RANBP10: variants seen among roughly 807,000 people sequenced by gnomAD.
RANBP10 encodes the protein RAN binding protein 10.
A neutral mutation model predicts 72.8 loss-of-function variants in RANBP10; 24 were observed. That is an observed-to-expected ratio of 0.33 (90% CI 0.24 to 0.46). The LOEUF (loss-of-function observed/expected upper bound fraction) is 0.46. RANBP10 is among the 20% of genes least tolerant of loss of function. RANBP10 has a pLI of 1.00. For missense variants in RANBP10, 679 were observed against 817.5 expected, an observed-to-expected ratio of 0.83 and a Z score of 2.07; for synonymous variants, 310 against 322.3, an observed-to-expected ratio of 0.96 and a Z score of 0.41.
At chr16:67,743,226 A>C (rs1355524302) in intron 4 of RANBP10, among the ~76,000 whole-genome samples, 1 of 152,232 alleles carries the variant, frequency 6.6e-6, no homozygotes, top group Non-Finnish European at 1.5e-5. Flanking sequence ...GGCAAGGGAA[A>C]TGGGACTTCT....
At chr16:67,728,722 C>T in intron 10 of RANBP10, 4 of 880,422 alleles carry the variant, frequency 4.5e-6, no homozygotes, top group Non-Finnish European at 6.8e-6. Context: ...GATTCCCACC[C>T]TTGCCCCAGT....
chr16:67,726,319 G>T lies in RANBP10; in HGVS notation c.*109C>A. Reference sequence around the variant, plus strand: ...GGGGGAAAGGCCAGGCAGGAGGAGTGGACTCTGTCTATGGTTTCCCAGTCC... The same window carrying T: ...GGGGGAAAGGCCAGGCAGGAGGAGTTGACTCTGTCTATGGTTTCCCAGTCC... On this transcript the variant is annotated 3_prime_UTR_variant, in exon 14 of 14. Transcript: ENST00000317506. 4 of 1,512,924 alleles carry T rather than the reference G, an allele frequency of 2.6e-6. No individual in the cohort carries two copies. The South Asian group carries it at 4.7e-5, about 18-fold the overall frequency. 93.7% of individuals were successfully genotyped at this position (1,512,924 alleles called of 1,614,324 possible). A position where few individuals can be genotyped will look rare whatever the true frequency, so the allele number is the denominator to read the frequency against.
chr16:67,786,383 TAGGAAA>T (rs1475351397), intron 2 of RANBP10, among the ~76,000 whole-genome samples: 2 of 152,084 alleles, frequency 1.3e-5, no homozygotes, highest in African/African-American at 4.8e-5. Context: ...ATCAATGGAA[TAGGAAA>T]AAGTATTTGC....
chr16:67,731,197 T>G, intron 7 of RANBP10: 2 of 361,422 alleles, frequency 5.5e-6, no homozygotes, highest in Non-Finnish European at 5.1e-6. Flanking sequence ...AGGGAGGAAA[T>G]GGAGGAATGG....
intron 3 of RANBP10, among the ~76,000 whole-genome samples, chr16:67,768,100 G>C (rs1289227663): frequency 6.7e-6 from 1 of 149,992 alleles, no homozygotes; most frequent in Non-Finnish European, 1.5e-5. Context: ...AAAGAAAAAA[G>C]AACATACGGC....
At chr16:67,783,859 T>C (rs1377312679) in intron 2 of RANBP10, among the ~76,000 whole-genome samples, 1 of 151,880 alleles carries the variant, frequency 6.6e-6, no homozygotes, top group African/African-American at 2.4e-5. Context: ...CTAGCCAAGA[T>C]GGTAAAACCC....
chr16:67,772,297 A>C (rs536010925), intron 2 of RANBP10, among the ~76,000 whole-genome samples: 1 of 152,316 alleles, frequency 6.6e-6, no homozygotes, highest in Admixed American at 6.5e-5. Context: ...TAGAGAAAAC[A>C]GAAAGTTGCG....
At chr16:67,781,789 G>A (rs535603161) in intron 2 of RANBP10, among the ~76,000 whole-genome samples, 2 of 152,252 alleles carry the variant, frequency 1.3e-5, no homozygotes, top group Admixed American at 6.5e-5. Context: ...GAGAGAAGAG[G>A]GCAGCAAATA....
intron 2 of RANBP10, among the ~76,000 whole-genome samples, chr16:67,781,318 C>G (rs1405678137): frequency 6.6e-6 from 1 of 152,210 alleles, no homozygotes; most frequent in Non-Finnish European, 1.5e-5. Flanking sequence ...TGAATATTTG[C>G]TTCCTTGTTG....
chr16:67,749,393 C>G (rs775463724), intron 3 of RANBP10, among the ~76,000 whole-genome samples: 1 of 152,224 alleles, frequency 6.6e-6, no homozygotes, highest in East Asian at 1.9e-4. Flanking sequence ...TGGAGGCCCT[C>G]AGCCCTGCTG....
At chr16:67,797,496 C>T (rs1035436993) in intron 2 of RANBP10, among the ~76,000 whole-genome samples, 10 of 152,148 alleles carry the variant, frequency 6.6e-5, no homozygotes, top group African/African-American at 2.4e-4. Context: ...TAGCAAGACC[C>T]TGTCTCTACA....
At chr16:67,773,991 C>T (rs1369495370) in intron 2 of RANBP10, among the ~76,000 whole-genome samples, 1 of 152,236 alleles carries the variant, frequency 6.6e-6, no homozygotes, top group Non-Finnish European at 1.5e-5. Context: ...TAGATTAAAA[C>T]TTGCACATTT....
chr16:67,776,247 G>A (rs2143013868), intron 2 of RANBP10, among the ~76,000 whole-genome samples: 1 of 151,680 alleles, frequency 6.6e-6, no homozygotes, highest in South Asian at 2.1e-4. Context: ...ATCACCTGAG[G>A]TCAGGAGGTT....
intron 2 of RANBP10, 29 bp downstream of exon 2, chr16:67,805,399 G>T: frequency 6.3e-7 from 1 of 1,583,498 alleles, no homozygotes; most frequent in Non-Finnish European, 8.7e-7. Context: ...TCCATGATCA[G>T]GGAAAGAGGG....
Position 67,724,331 on chromosome 16 carries a change from T to G in RANBP10, c.*2097A>C, listed in dbSNP as rs1202419385. On this transcript the variant is annotated 3_prime_UTR_variant, in exon 14 of 14. Transcript: ENST00000317506. ...TCTGCTACTAATTTGCTATGTGACT[T>G]TAGCCAAGTCACTTAATCTCCTGGG... 1 of 152,212 alleles carries G rather than the reference T, an allele frequency of 6.6e-6. No homozygotes were observed. The highest frequency in any genetic ancestry group is 1.5e-5 in the Non-Finnish European group (1 of 68,034). The allele number at this position is 152,212 out of a possible 1,614,324, so 9.4% of individuals were successfully genotyped here.
chr16:67,755,115 C>T (rs2054263289), intron 3 of RANBP10, among the ~76,000 whole-genome samples: 1 of 152,150 alleles, frequency 6.6e-6, no homozygotes, highest in Admixed American at 6.5e-5. Flanking sequence ...AACCACCAAG[C>T]ACCATGCCTA....
intron 2 of RANBP10, 47 bp from the exon 3 acceptor site, chr16:67,772,133 T>C (rs2054619190): frequency 7.7e-6 from 12 of 1,560,188 alleles, no homozygotes; most frequent in Non-Finnish European, 1.0e-5. Flanking sequence ...GGTTAGCAAA[T>C]GCTCATGCGT....
At chr16:67,761,201 G>A (rs2054389579) in intron 3 of RANBP10, among the ~76,000 whole-genome samples, 1 of 152,202 alleles carries the variant, frequency 6.6e-6, no homozygotes, top group African/African-American at 2.4e-5. Context: ...TCTTCCAGCA[G>A]AAACCTCTGA....
chr16:67,806,552 T>C lies in RANBP10; in HGVS notation c.-16A>G. On this transcript the variant is annotated 5_prime_UTR_variant, in exon 1 of 14. In the 5' UTR this introduces an upstream ATG that the reference lacks. Transcript: ENST00000317506. ...CTGCCGCCATCTTGGAGGGAGCTAC[T>C]ATTGTGTCACTGGGGGCGGGGAGGA... The C allele has an allele frequency of 6.8e-7, 1 of 1,471,204 alleles. No homozygotes were observed. Among genetic ancestry groups the C allele is most frequent in the Non-Finnish European group, 8.9e-7 (1 of 1,119,092 alleles). The allele number at this position is 1,471,204 out of a possible 1,614,324, so 91.1% of individuals were successfully genotyped here.
Sources: gnomAD v4.1 joint callset for allele counts (sites outside exome capture counted in the v4.1 genomes callset) on GRCh38, gnomAD v4.1.1 for gene constraint, MANE v1.5 for transcripts, NCBI Gene and HGNC (gene_info 2026-07-23, HGNC 2026-07-21) for gene names.